Variants in MTR observed in about 807,000 individuals in gnomAD.
MTR encodes 5-methyltetrahydrofolate-homocysteine methyltransferase, also known as methionine synthase.
A neutral mutation model predicts 154.8 loss-of-function variants in MTR; 84 were observed. That is an observed-to-expected ratio of 0.54 (90% CI 0.45 to 0.65). The LOEUF is 0.65. Ranked by LOEUF, MTR falls within the 30% of genes least tolerant of loss-of-function variation. The pLI, the probability that MTR is intolerant of heterozygous loss-of-function variation, is 0.00. For synonymous variants in MTR, 554 were observed against 553.9 expected (o/e 1.00, Z 0.00); for missense variants, 1,275 against 1,570.2 (o/e 0.81, Z 3.18).
intron 3 of MTR, among the ~76,000 whole-genome samples, chr1:236,807,021 G>C (rs1053235508): frequency 2.0e-5 from 3 of 152,116 alleles, no homozygotes; most frequent in Non-Finnish European, 4.4e-5. Context: ...TTCGGCTATT[G>C]TGAATATGCA....
At position 236,897,835 on chromosome 1, in the gene MTR, C is replaced by T. The variant is rs559789717; in HGVS notation, c.*191C>T. 9 of 612,472 alleles carry T rather than the reference C, an allele frequency of 1.5e-5. No individual in the cohort carries two copies. Among genetic ancestry groups the T allele is most frequent in the African/African-American group, 3.7e-5 (2 of 53,850 alleles). The allele number at this position is 612,472 out of a possible 1,614,324, so 37.9% of individuals were successfully genotyped here. Reference sequence around the variant, plus strand: ...CTTCCTGCAGTGCCTGGAAAACAGGCGCTGTTTTTTTGGGACCTTGCGTGA... The same window carrying T: ...CTTCCTGCAGTGCCTGGAAAACAGGTGCTGTTTTTTTGGGACCTTGCGTGA... On this transcript the variant is annotated 3_prime_UTR_variant, in exon 33 of 33. Coordinates refer to ENST00000366577, the MANE Select transcript of MTR (RefSeq NM_000254.3).
intron 13 of MTR, 42 bp from the exon 14 acceptor site, chr1:236,835,505 A>G (rs370607888): frequency 6.8e-6 from 11 of 1,611,272 alleles, no homozygotes; most frequent in Non-Finnish European, 9.3e-6. Context: ...TTCTCCTAGT[A>G]ACTGTCTCCT....
chr1:236,834,038 T>C (rs537709090), intron 13 of MTR, among the ~76,000 whole-genome samples: 2 of 152,328 alleles, frequency 1.3e-5, no homozygotes, highest in East Asian at 3.9e-4. Flanking sequence ...CCCAGTAGTT[T>C]TTTACATGAC....
intron 25 of MTR, among the ~76,000 whole-genome samples, chr1:236,881,504 A>G (rs145763260): frequency 9.9e-4 from 151 of 151,970 alleles, no homozygotes; most frequent in African/African-American, 3.3e-3. Context: ...CTGGAAATTT[A>G]GTGTGGCAGA....
chr1:236,869,334 G>GCT lies in MTR; in HGVS notation c.2406-4435_2406-4434dup, dbSNP rs546947589. Among the ~76,000 whole-genome samples, 335 of 152,122 alleles carry GCT rather than the reference G, an allele frequency of 2.2e-3. 4 individuals are homozygous for GCT. Among genetic ancestry groups the GCT allele is most frequent in the African/African-American group, 7.4e-3 (306 of 41,474 alleles). On this transcript the variant is annotated intron_variant, in intron 22 of 32. Transcript: ENST00000366577. ...GGATTAGTATCCAAATTAAATGCTT[G>GCT]CTCTCATAGCTCTATTCTAAGCACT...
rs1369682236 is a variant in MTR, at chr1:236,880,810, C to G, written c.2650C>G (p.Leu884Val). The change falls in exon 25 of 33, where the codon CTG becomes GTG. Residue 884 changes from leucine (L) to valine (V), a missense_variant. Leu to Val is a conservative substitution (Grantham distance 32). Coordinates refer to ENST00000366577, the MANE Select transcript of MTR (RefSeq NM_000254.3). ...PRYSAPVIHV[L>V]DASKSVVVCS... ...ATACAGTGCACCTGTAATCCATGTC[C>G]TGGACGCGTCCAAGAGTGTGGTGGT... 1 of 1,614,096 alleles carries G rather than the reference C, an allele frequency of 6.2e-7. No individual in the cohort carries two copies. The highest frequency in any genetic ancestry group is 1.1e-5 in the South Asian group (1 of 91,072).
intron 29 of MTR, 55 bp downstream of exon 29, chr1:236,891,384 C>T: frequency 6.5e-7 from 1 of 1,533,528 alleles, no homozygotes; most frequent in Non-Finnish European, 9.0e-7. Flanking sequence ...AGTTTAAGCA[C>T]TACACAAAAG....
chr1:236,896,297 T>G (rs1335934140), intron 31 of MTR, among the ~76,000 whole-genome samples: 1 of 152,184 alleles, frequency 6.6e-6, no homozygotes, highest in Non-Finnish European at 1.5e-5. Flanking sequence ...ATAAAAAGCA[T>G]GCCATCAAAG....
chr1:236,839,035 GTAT>G (rs1264377741), intron 15 of MTR, among the ~76,000 whole-genome samples: 6 of 152,238 alleles, frequency 3.9e-5, no homozygotes, highest in Non-Finnish European at 8.8e-5. Flanking sequence ...TAAAAATATG[GTAT>G]TATAACCTTA....
At chr1:236,823,646 T>C (rs775098884) in intron 8 of MTR, among the ~76,000 whole-genome samples, 5 of 152,022 alleles carry the variant, frequency 3.3e-5, no homozygotes, top group Non-Finnish European at 7.4e-5. Flanking sequence ...GACAACCTTA[T>C]AGGGTAGCAG....
intron 22 of MTR, among the ~76,000 whole-genome samples, chr1:236,870,397 C>G (rs1291324154): frequency 6.6e-6 from 1 of 152,206 alleles, no homozygotes; most frequent in Non-Finnish European, 1.5e-5. Context: ...GGGCTCAGCC[C>G]TTGGACCTCT....
At chr1:236,817,927 T>C (rs542250314) in intron 8 of MTR, among the ~76,000 whole-genome samples, 38 of 152,336 alleles carry the variant, frequency 2.5e-4, no homozygotes, top group Non-Finnish European at 5.0e-4. Context: ...TCTTTATTTC[T>C]GTAGTGTTTA....
chr1:236,841,581 C>T (rs1572245888), intron 15 of MTR, among the ~76,000 whole-genome samples: 3 of 152,102 alleles, frequency 2.0e-5, no homozygotes, highest in Admixed American at 2.0e-4. Context: ...CCTTACCTTC[C>T]TCCTGGGGTT....
chr1:236,852,724 G>T, intron 17 of MTR, 87 bp downstream of exon 17: 1 of 1,261,472 alleles, frequency 7.9e-7, no homozygotes, highest in African/African-American at 1.5e-5. Context: ...GCTAAGTCCG[G>T]CCTGCTGCCA....
At chr1:236,863,403 G>A in intron 21 of MTR, 51 bp from the exon 22 acceptor site, 1 of 1,461,036 alleles carries the variant, frequency 6.8e-7, no homozygotes, top group Non-Finnish European at 9.6e-7. Context: ...AGAACTAGGT[G>A]TTCCACCCTA....
chr1:236,809,614 C>T (rs1260917556), intron 4 of MTR, among the ~76,000 whole-genome samples: 1 of 152,172 alleles, frequency 6.6e-6, no homozygotes, highest in Admixed American at 6.5e-5. Flanking sequence ...CCAGCTAAAG[C>T]AGGGAGAGAG....
Position 236,897,753 on chromosome 1 carries a change from C to T in MTR, c.*109C>T. On this transcript the variant is annotated 3_prime_UTR_variant, in exon 33 of 33. Transcript: ENST00000366577. ...AAAACCTGTGTGCATCTGGCTGACA[C>T]TTACCTGCTTCTGGTTTTCGAAGAC... 1 of 969,962 alleles carries T rather than the reference C, an allele frequency of 1.0e-6. No individual in the cohort carries two copies. 60.1% of individuals were successfully genotyped at this position (969,962 alleles called of 1,614,324 possible).
Position 236,874,727 on chromosome 1 carries a change from T to TA in MTR, c.2476dup (p.Ile826AsnfsTer14), listed in dbSNP as rs761088020. 1.1e-5 allele frequency: 17 copies of TA among 1,576,214 alleles called. No homozygotes were observed. Among genetic ancestry groups the TA allele is most frequent in the Non-Finnish European group, 1.7e-6 (2 of 1,162,888 alleles). On this transcript the variant is annotated frameshift_variant and splice_region_variant, in exon 24 of 33. Coordinates refer to ENST00000366577, the MANE Select transcript of MTR (RefSeq NM_000254.3). LOFTEE classifies it high-confidence loss of function. ...TTTTTTTAAAAAAAAAAAAAATAGA[T>TA]ATAATTGGCCTGTCAGGACTCATCA...
chr1:236,804,072 A>T (rs957999662), intron 2 of MTR, among the ~76,000 whole-genome samples: 1 of 152,236 alleles, frequency 6.6e-6, no homozygotes, highest in Non-Finnish European at 1.5e-5. Context: ...TGGAAGCTGG[A>T]AGTCCACAGT....
Sources: allele counts gnomAD v4.1 joint callset (sites outside exome capture counted in the v4.1 genomes callset), GRCh38; gene constraint gnomAD v4.1.1; transcripts MANE v1.5; gene names NCBI Gene and HGNC (gene_info 2026-07-23, HGNC 2026-07-21).